The following MYH7B variants were observed in gnomAD, a reference collection of about 807,000 sequenced individuals.
The protein encoded by MYH7B is myosin heavy chain 7B, also known as myosin-7B.
In MYH7B, 205 loss-of-function variants were observed where a neutral mutation model predicts 234.5. The ratio of observed to expected loss-of-function variants is 0.87; its 90% CI spans 0.78 to 0.98. The LOEUF (loss-of-function observed/expected upper bound fraction) is 0.98, where lower values mean the gene tolerates loss of function less well. Ranked by LOEUF, MYH7B falls within the 50% of genes least tolerant of loss-of-function variation. The pLI is 0.00. For missense variants in MYH7B, 2,652 were observed against 2,633.4 expected (o/e 1.01, Z -0.15); for synonymous variants, 1,193 against 1,105.0 (o/e 1.08, Z -1.58).
chr20:34,979,707 G>C lies in MYH7B; in HGVS notation c.245G>C (p.Arg82Pro), dbSNP rs539864476. The C allele has an allele frequency of 3.7e-6, 6 of 1,614,054 alleles. No individual in the cohort carries two copies. In the African/African-American group the frequency reaches 8.0e-5, roughly 22 times the overall value. Residue 82 changes from arginine to proline, a missense_variant, in exon 7 of 45, where the codon CGC becomes CCC. Physicochemically the swap from Arg to Pro is moderately radical, Grantham distance 103. Coordinates refer to ENST00000262873, the Ensembl canonical transcript of MYH7B. ...GAGCTGCAGCCCATGAACCCGCCTC[G>C]CTTCGACTTACTGGAGGACATGGCC...
intron 2 of MYH7B, among the ~76,000 whole-genome samples, chr20:34,968,762 C>T (rs1290692408): frequency 6.6e-6 from 1 of 152,226 alleles, no homozygotes; most frequent in Non-Finnish European, 1.5e-5. Flanking sequence ...GAGGGGCCCA[C>T]TACCCAGGCC....
At chr20:34,966,692 A>G (rs1276412516) in intron 2 of MYH7B, among the ~76,000 whole-genome samples, 1 of 152,204 alleles carries the variant, frequency 6.6e-6, no homozygotes, top group Non-Finnish European at 1.5e-5. Context: ...ATCAATGTCA[A>G]TAGTACAGAG....
Position 34,988,369 on chromosome 20 carries a change from C to T in MYH7B, c.1587+107C>T, listed in dbSNP as rs532135329. ...GGAAGCCTGCAAGTGTGCATGGAAG[C>T]GTGTGACTGTGCGTTGCAGTAAGCA... is the stretch of plus-strand genomic sequence containing the variant. On this transcript the variant is annotated intron_variant, in intron 19 of 44. Coordinates refer to ENST00000262873, the Ensembl canonical transcript of MYH7B. The T allele has an allele frequency of 9.4e-6, 12 of 1,279,878 alleles. No homozygotes were observed. The highest frequency in any genetic ancestry group is 7.4e-5 in the African/African-American group (5 of 67,168). The allele number at this position is 1,279,878 out of a possible 1,614,324, so 79.3% of individuals were successfully genotyped here.
At chr20:34,957,150 G>A (rs1048429323) in intron 1 of MYH7B, among the ~76,000 whole-genome samples, 2 of 152,174 alleles carry the variant, frequency 1.3e-5, no homozygotes, top group African/African-American at 4.8e-5. Flanking sequence ...AATGAGGAAG[G>A]GCCTGAGGGT....
At chr20:34,983,793 T>G (rs1016592154) in intron 10 of MYH7B, among the ~76,000 whole-genome samples, 1 of 152,228 alleles carries the variant, frequency 6.6e-6, no homozygotes, top group Non-Finnish European at 1.5e-5. Context: ...GTGGGTATTT[T>G]AACTCTTGGG....
rs145740416 is a variant in MYH7B, at chr20:34,987,241, C to T, written c.1101C>T (p.Phe367=). 2.3e-4 allele frequency: 374 copies of T among 1,611,916 alleles called. 3 individuals are homozygous for T. In the African/African-American group the frequency reaches 4.3e-3, roughly 18 times the overall value. ...TCCTGCACTTTGGCAACATGAAGTT[C>T]AAGCAGAAGCAGCGGGAGGAGCAGG... Residue 367 remains phenylalanine (F), a synonymous_variant, in exon 16 of 45, where the codon TTC becomes TTT. Transcript: ENST00000262873.
chr20:34,988,457 T>A lies in MYH7B; in HGVS notation c.1587+195T>A, dbSNP rs115357388. 4.3e-3 allele frequency among the ~76,000 whole-genome samples: 656 copies of A among 152,078 alleles called. 8 individuals carry two copies. The highest frequency in any genetic ancestry group is 0.015 in the African/African-American group (635 of 41,468). ...GTGTGTGAAAGGGCACGTGTGTGAG[T>A]GGGTGTGTTGGAGTTGACCATGAGT... On this transcript the variant is annotated intron_variant, in intron 19 of 44. Transcript: ENST00000262873.
At chr20:34,975,073 T>A (rs2147162457) in intron 2 of MYH7B, among the ~76,000 whole-genome samples, 1 of 152,232 alleles carries the variant, frequency 6.6e-6, no homozygotes, top group South Asian at 2.1e-4. Context: ...TAGAAGTCAG[T>A]ATTATATTGT....
intron 9 of MYH7B, 37 bp downstream of exon 9, chr20:34,981,097 T>C (rs551248268): frequency 6.2e-7 from 1 of 1,612,802 alleles, no homozygotes; most frequent in Admixed American, 1.7e-5. Flanking sequence ...TGGAAAATGC[T>C]GGCCATCTGG....
Position 35,001,056 on chromosome 20 carries a change from G to C in MYH7B, c.5373G>C (p.Lys1791Asn), listed in dbSNP as rs555723187. ...GTGCACACCTGGAACGGATGAAGAA[G>C]ACGCTGGAGCAGACGGTGCGCGAGC... The change falls in exon 41 of 45, where the codon AAG becomes AAC. Residue 1791 changes from lysine to asparagine, a missense_variant. By Grantham distance (94) the Lys-to-Asn change is moderately conservative (BLOSUM62 0). Around this residue, in one of 3 missense-constraint regions of MYH7B, gnomAD observed 2,279 missense variants for 2,211.4 expected, o/e 1.03. Transcript: ENST00000262873. The C allele has an allele frequency of 1.9e-6, 3 of 1,613,920 alleles. No homozygotes were observed. In the East Asian group the frequency reaches 6.7e-5, roughly 36 times the overall value.
At chr20:34,963,735 T>C (rs1301122746) in intron 2 of MYH7B, among the ~76,000 whole-genome samples, 1 of 152,242 alleles carries the variant, frequency 6.6e-6, no homozygotes, top group African/African-American at 2.4e-5. Context: ...CTTTGATTCA[T>C]TTTGAGTTAA....
chr20:34,970,901 GGCTGGGGGTGGGAGGGCAGAC>G (rs1405110768), intron 2 of MYH7B, among the ~76,000 whole-genome samples: 1 of 152,180 alleles, frequency 6.6e-6, no homozygotes, highest in Non-Finnish European at 1.5e-5. Flanking sequence ...TACTCAGACT[GGCTGGGGGTGGGAGGGCAGAC>G]GCAGGGCCTG....
At chr20:34,997,198 GC>G in intron 31 of MYH7B, 25 bp downstream of exon 31, 1 of 1,551,370 alleles carries the variant, frequency 6.4e-7, no homozygotes, top group Non-Finnish European at 8.7e-7. Flanking sequence ...GGTGGGTGAG[GC>G]CTGGGGTCAG....
intron 32 of MYH7B, among the ~76,000 whole-genome samples, chr20:34,997,918 C>G (rs1279206606): frequency 6.6e-6 from 1 of 152,188 alleles, no homozygotes; most frequent in Non-Finnish European, 1.5e-5. Context: ...TAGCCCTTGA[C>G]TCCTGAACTC....
chr20:34,977,757 G>T, intron 4 of MYH7B, 77 bp downstream of exon 4: 1 of 1,479,014 alleles, frequency 6.8e-7, no homozygotes, highest in South Asian at 1.2e-5. Context: ...CCCATGGGTG[G>T]CCGCGAGTCT....
chr20:34,975,486 A>G (rs1437132789), exon 3 of MYH7B: 1 of 713,654 alleles, frequency 1.4e-6, no homozygotes, highest in Non-Finnish European at 2.6e-6. Flanking sequence ...AAGTGCTGGA[A>G]TTACAGACAT....
At position 34,993,406 on chromosome 20, in the gene MYH7B, CT is replaced by C. The variant is rs2082194262; in HGVS notation, c.2381del (p.Leu794ArgfsTer44). ...CCAGCGCCTGGCCAAGGTGCTGACG[CT>C]GCTGCAGGCGCGGAGCCGTGGCCGC... is the stretch of plus-strand genomic sequence containing the variant. On this transcript the variant is annotated frameshift_variant, in exon 26 of 45. Transcript: ENST00000262873. LOFTEE classifies it high-confidence loss of function. 2 of 1,612,920 alleles carry C rather than the reference CT, an allele frequency of 1.2e-6. No homozygotes were observed. Among genetic ancestry groups the C allele is most frequent in the South Asian group, 2.2e-5 (2 of 91,068 alleles).
chr20:34,980,468 G>A, intron 7 of MYH7B, 110 bp from the exon 8 acceptor site: 1 of 949,182 alleles, frequency 1.1e-6, no homozygotes. Flanking sequence ...GACCCAGGAG[G>A]CGGAGGTTGC....
In MYH7B at chr20:34,994,155, G is replaced by A. The variant is rs574268898; in HGVS notation, c.2454G>A (p.Leu818=). The A allele has an allele frequency of 3.7e-6, 6 of 1,613,044 alleles. No individual in the cohort carries two copies. In the East Asian group the frequency reaches 8.9e-5, roughly 24 times the overall value. The change falls in exon 27 of 45, where the codon CTG becomes CTA. Residue 818 remains leucine (L), a synonymous_variant. Coordinates refer to ENST00000262873, the Ensembl canonical transcript of MYH7B. ...GGCTGCCCCTCCCTAGGGATGCGCT[G>A]TTCACCATCCAGTGGAACATCCGTG...
Sources: gnomAD v4.1 joint callset for allele counts (sites outside exome capture counted in the v4.1 genomes callset) on GRCh38, gnomAD v4.1.1 for gene constraint, gnomAD v4.1.1 regional missense constraint, MANE v1.5 for transcripts, NCBI Gene and HGNC (gene_info 2026-07-23, HGNC 2026-07-21) for gene names.